The following TIAM2 variants were observed in gnomAD, a reference collection of about 807,000 sequenced individuals.
The protein encoded by TIAM2 is rho guanine nucleotide exchange factor TIAM2.
A neutral mutation model predicts 152.9 loss-of-function variants in TIAM2; 80 were observed. The ratio of observed to expected loss-of-function variants is 0.52; its 90% CI spans 0.44 to 0.63. The LOEUF is 0.63. Ranked by LOEUF, TIAM2 falls within the 30% of genes least tolerant of loss-of-function variation. The pLI, the probability that TIAM2 is intolerant of heterozygous loss-of-function variation, is 0.00. For missense variants in TIAM2, 1,965 were observed against 2,120.1 expected, an observed-to-expected ratio of 0.93 and a Z score of 1.44; for synonymous variants, 804 against 838.0, an observed-to-expected ratio of 0.96 and a Z score of 0.70.
chr6:155,243,679 C>T (rs1337140418), intron 16 of TIAM2, among the ~76,000 whole-genome samples: 3 of 151,106 alleles, frequency 2.0e-5, no homozygotes, highest in African/African-American at 7.3e-5. Context: ...AAACCCTGCC[C>T]CTACTAAAAA....
At chr6:155,230,158 A>C (rs1231372722) in intron 15 of TIAM2, among the ~76,000 whole-genome samples, 2 of 151,278 alleles carry the variant, frequency 1.3e-5, no homozygotes, top group African/African-American at 2.4e-5. Flanking sequence ...GGGGCTGCTG[A>C]ACTCACCTCC....
intron 21 of TIAM2, chr6:155,250,654 G>A (rs1284208614): frequency 1.3e-6 from 2 of 1,529,150 alleles, no homozygotes; most frequent in African/African-American, 1.4e-5. Flanking sequence ...AACTGAGTTG[G>A]TCACAAGGCA....
intron 14 of TIAM2, among the ~76,000 whole-genome samples, chr6:155,208,407 G>A (rs1195772043): frequency 2.0e-5 from 3 of 151,778 alleles, no homozygotes; most frequent in East Asian, 3.9e-4. Context: ...TTCTCTCCTC[G>A]GTCCTCTTGA....
At chr6:155,158,469 G>C (rs749060843) in intron 7 of TIAM2, among the ~76,000 whole-genome samples, 3 of 152,128 alleles carry the variant, frequency 2.0e-5, no homozygotes, top group Non-Finnish European at 4.4e-5. Context: ...CCTTCTCAGA[G>C]TGAGTTTTTT....
chr6:155,047,706 C>CGAGAGAGAGA (rs1562300223), intron 1 of TIAM2, among the ~76,000 whole-genome samples: 1 of 41,192 alleles, frequency 2.4e-5, no homozygotes, highest in African/African-American at 7.9e-5. Context: ...AGAGAGAGAG[C>CGAGAGAGAGA]GAGAGAGAGA....
intron 23 of TIAM2, among the ~76,000 whole-genome samples, chr6:155,252,582 T>G (rs201378336): frequency 6.6e-6 from 1 of 152,248 alleles, no homozygotes; most frequent in East Asian, 1.9e-4. Context: ...ACATAGTCTG[T>G]GAAACTTTGG....
intron 1 of TIAM2, among the ~76,000 whole-genome samples, chr6:155,006,654 A>G (rs1390382560): frequency 6.7e-6 from 1 of 149,518 alleles, no homozygotes; most frequent in African/African-American, 2.5e-5. Context: ...CGACATTTTT[A>G]GAGACTGTCT....
chr6:155,159,477 G>A (rs915072942), intron 7 of TIAM2, among the ~76,000 whole-genome samples: 1 of 152,152 alleles, frequency 6.6e-6, no homozygotes, highest in African/African-American at 2.4e-5. Context: ...TGCTAGTCTG[G>A]TAGGGTGAGC....
At chr6:155,219,719 C>T (rs1781976723) in intron 15 of TIAM2, among the ~76,000 whole-genome samples, 1 of 152,120 alleles carries the variant, frequency 6.6e-6, no homozygotes, top group Non-Finnish European at 1.5e-5. Context: ...CAGGCAGATG[C>T]CAACCCCTTG....
chr6:155,137,740 C>T (rs950680215), intron 5 of TIAM2, 128 bp downstream of exon 5: 1 of 1,016,024 alleles, frequency 9.8e-7, no homozygotes, highest in East Asian at 2.6e-5. Flanking sequence ...GATCCATGGG[C>T]TGCCTTCATG....
rs1414618120 is a variant in TIAM2, at chr6:155,029,628, A to G, written c.-209+34136A>G. Among the ~76,000 whole-genome samples, 4 of 120,884 alleles carry G rather than the reference A, an allele frequency of 3.3e-5. No individual in the cohort carries two copies. The East Asian group carries it at 8.8e-4, about 27-fold the overall frequency. The allele number at this position is 120,884 out of a possible 152,430, so 79.3% of individuals were successfully genotyped here. On this transcript the variant is annotated intron_variant, in intron 1 of 26. Coordinates refer to ENST00000682666, the MANE Select transcript of TIAM2 (RefSeq NM_012454.4). ...ATATAACTCTGTATATATGTATATA[A>G]CTATATATAGTTATATAACTATATA...
intron 1 of TIAM2, among the ~76,000 whole-genome samples, chr6:155,038,267 G>A (rs549458501): frequency 3.9e-5 from 6 of 152,300 alleles, no homozygotes; most frequent in Admixed American, 2.6e-4. Flanking sequence ...ACCATCTGCC[G>A]GCTAGTTCTG....
chr6:155,076,935 A>G (rs1050573360), intron 1 of TIAM2, among the ~76,000 whole-genome samples: 2 of 152,178 alleles, frequency 1.3e-5, no homozygotes, highest in African/African-American at 4.8e-5. Context: ...ACCTCGGATG[A>G]TCCACCCTCC....
At chr6:155,096,234 A>G (rs1778418352) in intron 2 of TIAM2, among the ~76,000 whole-genome samples, 1 of 152,194 alleles carries the variant, frequency 6.6e-6, no homozygotes, top group Admixed American at 6.5e-5. Context: ...ATGATGCATA[A>G]TCGATGTACA....
At chr6:155,246,228 G>T (rs57290828) in intron 19 of TIAM2, among the ~76,000 whole-genome samples, 7,477 of 152,216 alleles carry the variant, frequency 0.049, 629 homozygotes, top group African/African-American at 0.17. Context: ...TTCTCTCTGC[G>T]TGGGCCTGGA....
At chr6:155,171,328 T>C (rs556258413) in intron 9 of TIAM2, among the ~76,000 whole-genome samples, 1 of 152,298 alleles carries the variant, frequency 6.6e-6, no homozygotes, top group South Asian at 2.1e-4. Flanking sequence ...GGATGAGTAA[T>C]AGTGAGTCTT....
At chr6:155,158,976 A>G (rs1780194687) in intron 7 of TIAM2, among the ~76,000 whole-genome samples, 1 of 152,190 alleles carries the variant, frequency 6.6e-6, no homozygotes, top group South Asian at 2.1e-4. Context: ...GTGGTCAGGT[A>G]ATACATTACT....
intron 15 of TIAM2, among the ~76,000 whole-genome samples, chr6:155,226,737 A>G (rs974896054): frequency 6.6e-6 from 1 of 152,226 alleles, no homozygotes; most frequent in South Asian, 2.1e-4. Context: ...AAAAATCTTT[A>G]AGAACTCATA....
At chr6:155,094,724 G>GTTTTTTTTTT (rs200208029) in intron 2 of TIAM2, among the ~76,000 whole-genome samples, 4 of 136,184 alleles carry the variant, frequency 2.9e-5, no homozygotes, top group African/African-American at 8.2e-5. Flanking sequence ...TATATCTATG[G>GTTTTTTTTTT]TTTTTTTTTT....
Sources: gnomAD v4.1 joint callset for allele counts (sites outside exome capture counted in the v4.1 genomes callset) on GRCh38, gnomAD v4.1.1 for gene constraint, MANE v1.5 for transcripts, NCBI Gene and HGNC (gene_info 2026-07-23, HGNC 2026-07-21) for gene names.